Variants in NTN1 observed in about 807,000 individuals in gnomAD.
NTN1 encodes netrin 1.
NTN1 carries 11 observed loss-of-function variants against 54.2 expected under a neutral mutation model. That is an observed-to-expected ratio of 0.20 (90% CI 0.13 to 0.34). NTN1 has a LOEUF of 0.34. Ranked by LOEUF, NTN1 falls within the 10% of genes least tolerant of loss-of-function variation. The pLI, the probability that NTN1 is intolerant of heterozygous loss-of-function variation, is 1.00. For synonymous variants in NTN1, 371 were observed against 382.0 expected (o/e 0.97, Z 0.33); for missense variants, 740 against 893.1 (o/e 0.83, Z 2.18).
chr17:9,232,894 A>G (rs1401480831), intron 6 of NTN1, among the ~76,000 whole-genome samples: 1 of 152,120 alleles, frequency 6.6e-6, no homozygotes, highest in Non-Finnish European at 1.5e-5. Context: ...CATTTCAGGA[A>G]AGCAGCTGCA....
intron 5 of NTN1, among the ~76,000 whole-genome samples, chr17:9,208,129 G>C (rs893071615): frequency 1.3e-5 from 2 of 152,212 alleles, no homozygotes; most frequent in Admixed American, 6.5e-5. Flanking sequence ...CTACTCGGGA[G>C]GCTGAGGCAG....
intron 2 of NTN1, among the ~76,000 whole-genome samples, chr17:9,097,608 G>A (rs2092136100): frequency 6.6e-6 from 1 of 152,034 alleles, no homozygotes; most frequent in African/African-American, 2.4e-5. Flanking sequence ...CTGGGCAACA[G>A]AGCGAGACTG....
At chr17:9,080,701 C>T (rs915858525) in intron 2 of NTN1, among the ~76,000 whole-genome samples, 22 of 152,144 alleles carry the variant, frequency 1.4e-4, no homozygotes, top group Non-Finnish European at 2.5e-4. Context: ...GCCCCACCTC[C>T]GGTGAAGCAA....
At chr17:9,068,963 G>T (rs1385475256) in intron 2 of NTN1, among the ~76,000 whole-genome samples, 1 of 152,104 alleles carries the variant, frequency 6.6e-6, no homozygotes, top group African/African-American at 2.4e-5. Flanking sequence ...CTGACCCACG[G>T]CTCTCTTCCC....
intron 2 of NTN1, among the ~76,000 whole-genome samples, chr17:9,099,370 A>G (rs966934794): frequency 9.2e-5 from 14 of 152,160 alleles, no homozygotes; most frequent in African/African-American, 3.4e-4. Context: ...GCGCCATTGC[A>G]CTCCAGCCTA....
intron 2 of NTN1, among the ~76,000 whole-genome samples, chr17:9,122,069 G>A (rs562866748): frequency 2.1e-5 from 3 of 144,884 alleles, no homozygotes; most frequent in African/African-American, 5.1e-5. Flanking sequence ...ACGGAGTCTC[G>A]TTCTGTCGCC....
intron 4 of NTN1, among the ~76,000 whole-genome samples, chr17:9,180,715 G>A (rs775532509): frequency 6.6e-6 from 1 of 152,208 alleles, no homozygotes; most frequent in Non-Finnish European, 1.5e-5. Context: ...TCCATGCACG[G>A]CACCTGTGTC....
At chr17:9,118,259 C>T (rs921414674) in intron 2 of NTN1, among the ~76,000 whole-genome samples, 1 of 152,208 alleles carries the variant, frequency 6.6e-6, no homozygotes, top group Non-Finnish European at 1.5e-5. Context: ...GTGGCTCACG[C>T]CTGTAATCCC....
chr17:9,139,658 C>T (rs2092291576), intron 2 of NTN1, among the ~76,000 whole-genome samples: 2 of 152,204 alleles, frequency 1.3e-5, no homozygotes, highest in African/African-American at 4.8e-5. Context: ...AAGAAGACAT[C>T]ACCCTCGTCC....
chr17:9,004,244 C>A, the NTN1 span, among the ~76,000 whole-genome samples: 2 of 152,236 alleles, frequency 1.3e-5, no homozygotes, highest in African/African-American at 4.8e-5. Flanking sequence ...CGAGGCGACA[C>A]GGCAAGCTTC....
intron 3 of NTN1, chr17:9,177,907 G>A (rs1353672912): frequency 6.6e-6 from 1 of 152,256 alleles, no homozygotes; most frequent in Non-Finnish European, 1.5e-5. Flanking sequence ...AAAAGGCATT[G>A]CTTCTGGCTG....
At chr17:9,124,674 A>G (rs1322254001) in intron 2 of NTN1, among the ~76,000 whole-genome samples, 1 of 152,196 alleles carries the variant, frequency 6.6e-6, no homozygotes, top group East Asian at 1.9e-4. Context: ...ACCTCATGCC[A>G]TGTCATAGAG....
At chr17:9,200,701 C>G (rs1039005083) in intron 5 of NTN1, among the ~76,000 whole-genome samples, 3 of 152,220 alleles carry the variant, frequency 2.0e-5, no homozygotes, top group Non-Finnish European at 4.4e-5. Context: ...TTCATTTTCT[C>G]TTCATTCATT....
chr17:9,238,082 T>A (rs1906052889), intron 6 of NTN1, among the ~76,000 whole-genome samples: 1 of 152,122 alleles, frequency 6.6e-6, no homozygotes, highest in African/African-American at 2.4e-5. Flanking sequence ...CATCCCCTGG[T>A]CCATGTGTGG....
intron 2 of NTN1, among the ~76,000 whole-genome samples, chr17:9,071,673 C>T (rs746072712): frequency 9.2e-5 from 14 of 152,196 alleles, no homozygotes; most frequent in African/African-American, 3.1e-4. Context: ...AGACCCTGCC[C>T]GCATGCCCTT....
At position 9,041,634 on chromosome 17, in the gene NTN1, T is replaced by C. The variant is rs537861493; in HGVS notation, c.1018+18243T>C. Among the ~76,000 whole-genome samples the C allele has an allele frequency of 8.5e-5, 13 of 152,346 alleles. No homozygotes were observed. In the East Asian group the frequency reaches 2.5e-3, roughly 29 times the overall value. ...TTGGCTCTTATGAATAATGCTGCTA[T>C]GAGCATTGGTTTACAGGTTTTTGTG... On this transcript the variant is annotated intron_variant, in intron 2 of 6. Transcript: ENST00000173229.
rs1444892504 is a variant in NTN1 at position 9,212,644 on chromosome 17, C to A, written c.1412-8524C>A. Reference sequence around the variant, plus strand: ...GGGAGAACCAGGGGCTCCTCCCCTACGCCCAGCCCTTGGCGTCTGCAACTT... The same window carrying A: ...GGGAGAACCAGGGGCTCCTCCCCTAAGCCCAGCCCTTGGCGTCTGCAACTT... On this transcript the variant is annotated intron_variant, in intron 5 of 6. Transcript: ENST00000173229. This position sits in a 1 kb window ranked among gnomAD's most constrained non-coding sequence, Gnocchi z 5.5. Among the ~76,000 whole-genome samples the A allele has an allele frequency of 6.6e-6, 1 of 152,352 alleles. No homozygotes were observed. The highest frequency in any genetic ancestry group is 1.9e-4 in the East Asian group (1 of 5,184).
chr17:9,226,487 G>C (rs1338283241), intron 6 of NTN1, among the ~76,000 whole-genome samples: 1 of 34,280 alleles, frequency 2.9e-5, no homozygotes, highest in Non-Finnish European at 4.5e-5. Flanking sequence ...TGGGGAGGCG[G>C]TCTCGTGGGG....
At chr17:9,065,030 G>A (rs62069325) in intron 2 of NTN1, among the ~76,000 whole-genome samples, 3 of 152,050 alleles carry the variant, frequency 2.0e-5, no homozygotes, top group Admixed American at 2.0e-4. Context: ...TCCACTTCCC[G>A]GGTTCAAACA....
Sources: allele counts gnomAD v4.1 joint callset (sites outside exome capture counted in the v4.1 genomes callset), GRCh38; gene constraint gnomAD v4.1.1; non-coding constraint Gnocchi (gnomAD v3.1); transcripts MANE v1.5; gene names NCBI Gene and HGNC (gene_info 2026-07-23, HGNC 2026-07-21).